CDYL: variants seen among roughly 807,000 people sequenced by gnomAD.
CDYL encodes chromodomain Y-like protein.
CDYL carries 8 observed loss-of-function variants against 47.3 expected under a neutral mutation model. The observed-to-expected ratio is 0.17, with a 90% CI of 0.10 to 0.31. The LOEUF (loss-of-function observed/expected upper bound fraction) is 0.31. Among genes scored for constraint, CDYL ranks in the 10% least tolerant of loss-of-function variants. The pLI, the probability that CDYL is intolerant of heterozygous loss-of-function variation, is 1.00. For synonymous variants in CDYL, 266 were observed against 265.0 expected (o/e 1.00, Z -0.04); for missense variants, 471 against 701.4 (o/e 0.67, Z 3.71).
At chr6:4,950,911 G>A (rs975929874) in intron 5 of CDYL, among the ~76,000 whole-genome samples, 2 of 140,184 alleles carry the variant, frequency 1.4e-5, no homozygotes, top group African/African-American at 2.6e-5. Flanking sequence ...CAGCCTGGGC[G>A]ACAGAAGGAG....
At chr6:4,900,779 G>GTGTGTATATATATA in intron 2 of CDYL, among the ~76,000 whole-genome samples, 3 of 51,706 alleles carry the variant, frequency 5.8e-5, no homozygotes, top group Non-Finnish European at 8.3e-5. Flanking sequence ...GTATACGTGT[G>GTGTGTATATATATA]TATATATATA....
At chr6:4,950,120 G>A (rs1047844337) in intron 5 of CDYL, among the ~76,000 whole-genome samples, 1 of 152,190 alleles carries the variant, frequency 6.6e-6, no homozygotes, top group Non-Finnish European at 1.5e-5. Context: ...AAGGGGGGAC[G>A]AAAGGGAGAC....
chr6:4,906,486 T>A (rs1231442584), intron 2 of CDYL, among the ~76,000 whole-genome samples: 1 of 152,138 alleles, frequency 6.6e-6, no homozygotes, highest in Non-Finnish European at 1.5e-5. Flanking sequence ...AGTACAAGCG[T>A]GAAGGCCACA....
chr6:4,871,392 A>G (rs1168457939), intron 1 of CDYL, among the ~76,000 whole-genome samples: 1 of 152,212 alleles, frequency 6.6e-6, no homozygotes, highest in Non-Finnish European at 1.5e-5. Context: ...TTTGGATTTT[A>G]GAGCATTTTG....
At chr6:4,918,269 A>G (rs1350097922) in intron 2 of CDYL, among the ~76,000 whole-genome samples, 2 of 151,994 alleles carry the variant, frequency 1.3e-5, no homozygotes, top group South Asian at 2.1e-4. Context: ...GTCGATAGCT[A>G]TGGTTATTTT....
intron 2 of CDYL, among the ~76,000 whole-genome samples, chr6:4,927,492 A>G (rs1757913319): frequency 6.9e-6 from 1 of 145,262 alleles, no homozygotes; most frequent in African/African-American, 2.6e-5. Context: ...CTGTTGCCCA[A>G]GCTGGAGTGC....
At chr6:4,707,496 T>C (rs1279373984) in intron 1 of CDYL, among the ~76,000 whole-genome samples, 1 of 152,142 alleles carries the variant, frequency 6.6e-6, no homozygotes, top group Non-Finnish European at 1.5e-5. Flanking sequence ...ATGGTCTTGA[T>C]CTCTTGACCT....
chr6:4,798,522 A>T (rs1053068719), intron 1 of CDYL, among the ~76,000 whole-genome samples: 1 of 152,214 alleles, frequency 6.6e-6, no homozygotes, highest in Non-Finnish European at 1.5e-5. Context: ...CAGTGGGTCT[A>T]AGAGTAGATA....
intron 3 of CDYL, among the ~76,000 whole-genome samples, chr6:4,755,808 A>ACAG (rs1758065526): frequency 6.6e-6 from 1 of 152,206 alleles, no homozygotes; most frequent in Non-Finnish European, 1.5e-5. Flanking sequence ...TACTTGTCTC[A>ACAG]CAGCAAGTAT....
intron 1 of CDYL, among the ~76,000 whole-genome samples, chr6:4,889,831 A>G (rs1321887389): frequency 6.6e-6 from 1 of 152,148 alleles, no homozygotes; most frequent in Non-Finnish European, 1.5e-5. Flanking sequence ...CTGGCCACTG[A>G]GTATGCCTAA....
intron 3 of CDYL, among the ~76,000 whole-genome samples, chr6:4,756,190 A>C (rs1758071238): frequency 6.6e-6 from 1 of 152,208 alleles, no homozygotes; most frequent in Admixed American, 6.5e-5. Context: ...AGAAGGCAGC[A>C]GTTGCCCTGT....
At chr6:4,807,806 A>G (rs947811353) in intron 1 of CDYL, among the ~76,000 whole-genome samples, 8 of 151,606 alleles carry the variant, frequency 5.3e-5, no homozygotes, top group Non-Finnish European at 1.2e-4. Flanking sequence ...GGGTCTTGCT[A>G]TGTTGCCCGT....
In CDYL at chr6:4,759,125, C is replaced by T. The variant is rs372304072; in HGVS notation, c.186+24281C>T. 3.9e-5 allele frequency among the ~76,000 whole-genome samples: 6 copies of T among 152,064 alleles called. No homozygotes were observed. In the East Asian group the frequency reaches 5.8e-4, roughly 15 times the overall value. On this transcript the variant is annotated intron_variant, in intron 3 of 8. Transcript: ENST00000328908. Reference sequence around the variant, plus strand: ...CTGGGACTGCAGGTGCCTGCCACCACACCTGGCTAATTTTTTTGTATTTTT... The same window carrying T: ...CTGGGACTGCAGGTGCCTGCCACCATACCTGGCTAATTTTTTTGTATTTTT...
intron 1 of CDYL, among the ~76,000 whole-genome samples, chr6:4,780,106 G>A (rs1758570571): frequency 1.3e-5 from 2 of 152,038 alleles, no homozygotes; most frequent in South Asian, 4.2e-4. Context: ...AGGAATCTGG[G>A]TTTACTCAAG....
rs772750958 is a variant in CDYL, at chr6:4,804,173, G to A, written c.24+27366G>A. Among the ~76,000 whole-genome samples, 99 of 152,222 alleles carry A rather than the reference G, an allele frequency of 6.5e-4. 1 individual carries two copies. Among genetic ancestry groups the A allele is most frequent in the Non-Finnish European group, 1.9e-4 (13 of 68,022 alleles). ...AAAAGTGTAACACTTGTGTTATGAG[G>A]TCTGGGAGAGCTGAGGCCACTCCCC... is the stretch of plus-strand genomic sequence containing the variant. On this transcript the variant is annotated intron_variant, in intron 1 of 6. Coordinates refer to ENST00000397588, the MANE Select transcript of CDYL (RefSeq NM_004824.4).
intron 1 of CDYL, among the ~76,000 whole-genome samples, chr6:4,831,518 C>G (rs1760143593): frequency 6.6e-6 from 1 of 152,170 alleles, no homozygotes; most frequent in Admixed American, 6.5e-5. Context: ...GGCGTGATGC[C>G]TCCAGCTTTG....
intron 5 of CDYL, among the ~76,000 whole-genome samples, chr6:4,947,042 G>GTGGT (rs368571854): frequency 1.8e-4 from 27 of 152,196 alleles, no homozygotes; most frequent in African/African-American, 6.5e-4. Context: ...TGTCCAGCTT[G>GTGGT]TGGTTGGGCC....
At chr6:4,936,237 A>G (rs1758189409) in intron 3 of CDYL, among the ~76,000 whole-genome samples, 1 of 152,090 alleles carries the variant, frequency 6.6e-6, no homozygotes. Context: ...GTCCCCAGAT[A>G]CTCCTCAGCG....
intron 1 of CDYL, among the ~76,000 whole-genome samples, chr6:4,885,732 C>T (rs1025559231): frequency 2.6e-5 from 4 of 152,172 alleles, no homozygotes; most frequent in Non-Finnish European, 5.9e-5. Context: ...TTCACTTCCC[C>T]CTTTCTTTAA....
Sources: gnomAD v4.1 joint callset for allele counts (sites outside exome capture counted in the v4.1 genomes callset) on GRCh38, gnomAD v4.1.1 for gene constraint, MANE v1.5 for transcripts, NCBI Gene and HGNC (gene_info 2026-07-23, HGNC 2026-07-21) for gene names.